Variants in MAGI3 observed in about 807,000 individuals in gnomAD.
MAGI3 encodes membrane associated guanylate kinase, WW and PDZ domain containing 3.
MAGI3 carries 43 observed loss-of-function variants against 121.8 expected under a neutral mutation model. That is an observed-to-expected ratio of 0.35 (90% CI 0.28 to 0.46). MAGI3 has a LOEUF of 0.46. Among genes scored for constraint, MAGI3 ranks in the 20% least tolerant of loss-of-function variants. The pLI is 1.00. For missense variants in MAGI3, 1,547 were observed against 1,797.3 expected (o/e 0.86, Z 2.52); for synonymous variants, 553 against 639.3 (o/e 0.86, Z 2.04).
At chr1:113,456,245 G>A (rs1215508339) in intron 1 of MAGI3, among the ~76,000 whole-genome samples, 1 of 151,266 alleles carries the variant, frequency 6.6e-6, no homozygotes, top group Admixed American at 6.6e-5. Context: ...GATTACAGGC[G>A]TGAGCCACCA....
intron 1 of MAGI3, among the ~76,000 whole-genome samples, chr1:113,475,241 C>T (rs1462793930): frequency 6.6e-6 from 1 of 152,162 alleles, no homozygotes; most frequent in Admixed American, 6.5e-5. Flanking sequence ...CTTTCTCTTG[C>T]CTGATTGCCC....
chr1:113,672,604 C>G lies in MAGI3; in HGVS notation c.2919-11C>G, dbSNP rs1647624262. ...CAGTTCAGAGAGTGACTTGATTTCT[C>G]TCTCTTGTAGAAGTGCCCTAGAAGG... On this transcript the variant is annotated splice_polypyrimidine_tract_variant and intron_variant, in intron 17 of 20. Transcript: ENST00000307546. The G allele has an allele frequency of 6.2e-7, 1 of 1,605,456 alleles. No individual in the cohort carries two copies. The highest frequency in any genetic ancestry group is 1.1e-5 in the South Asian group (1 of 89,216).
At chr1:113,401,176 A>T (rs1193602735) in intron 1 of MAGI3, among the ~76,000 whole-genome samples, 1 of 152,178 alleles carries the variant, frequency 6.6e-6, no homozygotes, top group African/African-American at 2.4e-5. Flanking sequence ...TCACAGGAAG[A>T]ATTATGAACT....
At chr1:113,421,892 A>G (rs1447259262) in intron 1 of MAGI3, among the ~76,000 whole-genome samples, 2 of 148,664 alleles carry the variant, frequency 1.3e-5, no homozygotes, top group African/African-American at 2.5e-5. Context: ...ATGTGTTTGG[A>G]TTTGGCTTTG....
At chr1:113,598,986 A>G in intron 6 of MAGI3, among the ~76,000 whole-genome samples, 1 of 152,112 alleles carries the variant, frequency 6.6e-6, no homozygotes, top group East Asian at 1.9e-4. Context: ...AGTGCTATAA[A>G]TTTCCCTCTG....
chr1:113,659,041 C>CT (rs768141607), intron 15 of MAGI3, 39 bp from the exon 16 acceptor site: 1 of 1,493,368 alleles, frequency 6.7e-7, no homozygotes, highest in South Asian at 1.2e-5. Context: ...TAGCAGAAAT[C>CT]TTAAATAATT....
chr1:113,682,794 T>G, intron 20 of MAGI3, 103 bp from the exon 21 acceptor site: 3 of 1,447,168 alleles, frequency 2.1e-6, no homozygotes, highest in Non-Finnish European at 2.7e-6. Context: ...CTCAGGCTTT[T>G]TAAGCAGTTA....
intron 1 of MAGI3, among the ~76,000 whole-genome samples, chr1:113,523,376 A>G (rs1658295199): frequency 6.6e-6 from 1 of 152,224 alleles, no homozygotes; most frequent in Admixed American, 6.5e-5. Context: ...TGGAGAGCTC[A>G]GAAGAAGACA....
At chr1:113,669,582 T>G (rs2101016724) in intron 16 of MAGI3, among the ~76,000 whole-genome samples, 1 of 152,272 alleles carries the variant, frequency 6.6e-6, no homozygotes, top group South Asian at 2.1e-4. Flanking sequence ...CAGGCTGGAG[T>G]GCAGTGGCAT....
chr1:113,416,755 A>G (rs1184185184), intron 1 of MAGI3, among the ~76,000 whole-genome samples: 1 of 151,632 alleles, frequency 6.6e-6, no homozygotes, highest in Non-Finnish European at 1.5e-5. Context: ...GGTTGCAATG[A>G]TGATATAAAT....
intron 9 of MAGI3, among the ~76,000 whole-genome samples, chr1:113,631,390 C>T (rs560101246): frequency 4.0e-4 from 61 of 152,062 alleles, no homozygotes; most frequent in Non-Finnish European, 7.6e-4. Flanking sequence ...AGGCTTCTAT[C>T]CCGCCACTTT....
intron 2 of MAGI3, among the ~76,000 whole-genome samples, chr1:113,577,276 G>GTTATCA (rs1361741860): frequency 1.3e-5 from 2 of 152,116 alleles, no homozygotes; most frequent in Non-Finnish European, 2.9e-5. Flanking sequence ...TTAAGATGAG[G>GTTATCA]GTAAGACTTG....
In MAGI3 at chr1:113,649,317, C is replaced by T; in HGVS notation, c.2236C>T (p.Pro746Ser). 3.1e-6 allele frequency: 5 copies of T among 1,609,648 alleles called. No homozygotes were observed. The highest frequency in any genetic ancestry group is 1.3e-5 in the African/African-American group (1 of 74,842). The change falls in exon 13 of 21, where the codon CCT becomes TCT. Residue 746 changes from proline to serine, a missense_variant. By Grantham distance (74) the Pro-to-Ser change is moderately conservative (BLOSUM62 -1). Transcript: ENST00000307546. Reference protein sequence around the residue: ...FGFRVLGGDGPDQSIYIGAII... With the variant: ...FGFRVLGGDGSDQSIYIGAII... ...CTTCAGGGTGCTAGGAGGAGATGGACCTGACCAGTCTGTAAGTGTCACTTC... is the reference window on the plus strand; with the variant it reads ...CTTCAGGGTGCTAGGAGGAGATGGATCTGACCAGTCTGTAAGTGTCACTTC...
chr1:113,665,743 TATTTA>T (rs1557881880), intron 16 of MAGI3, among the ~76,000 whole-genome samples: 1 of 152,164 alleles, frequency 6.6e-6, no homozygotes, highest in African/African-American at 2.4e-5. Flanking sequence ...ATAGGGTTCT[TATTTA>T]CTCTTGGTAA....
intron 10 of MAGI3, 126 bp from the exon 11 acceptor site, chr1:113,643,617 G>C (rs1557870983): frequency 2.5e-6 from 2 of 800,564 alleles, no homozygotes; most frequent in East Asian, 5.1e-5. Flanking sequence ...CTGGTACATA[G>C]GAGGTTAGAC....
chr1:113,571,075 T>C (rs550793798), intron 2 of MAGI3, among the ~76,000 whole-genome samples: 29 of 152,322 alleles, frequency 1.9e-4, no homozygotes, highest in Admixed American at 7.2e-4. Context: ...TTGTGTAAGG[T>C]GTAAGGAAGG....
At chr1:113,552,079 TG>T (rs530618035) in intron 2 of MAGI3, among the ~76,000 whole-genome samples, 133 of 152,306 alleles carry the variant, frequency 8.7e-4, no homozygotes, top group African/African-American at 3.2e-3. Context: ...TTTTGATAGT[TG>T]GGCTGTTGTT....
chr1:113,481,540 A>C (rs1350422043), intron 1 of MAGI3, among the ~76,000 whole-genome samples: 1 of 152,022 alleles, frequency 6.6e-6, no homozygotes, highest in Non-Finnish European at 1.5e-5. Context: ...TTTGAAAAAG[A>C]GAAGCAAGCT....
chr1:113,603,566 G>C (rs1649539469), intron 6 of MAGI3, among the ~76,000 whole-genome samples: 1 of 151,938 alleles, frequency 6.6e-6, no homozygotes, highest in East Asian at 1.9e-4. Context: ...TAAAACTATA[G>C]ACCAGTATCC....
Sources: gnomAD v4.1 joint callset for allele counts (sites outside exome capture counted in the v4.1 genomes callset) on GRCh38, gnomAD v4.1.1 for gene constraint, MANE v1.5 for transcripts, NCBI Gene and HGNC (gene_info 2026-07-23, HGNC 2026-07-21) for gene names.